KIF13B: variants seen among roughly 807,000 people sequenced by gnomAD.
KIF13B encodes kinesin family member 13B.
Under a neutral mutation model 222.0 loss-of-function variants are expected in KIF13B, and 127 were observed. The observed-to-expected ratio is 0.57, with a 90% CI of 0.50 to 0.66. KIF13B has a LOEUF of 0.66. Among genes scored for constraint, KIF13B ranks in the 30% least tolerant of loss-of-function variants. The pLI is 0.00. For missense variants in KIF13B, 2,173 were observed against 2,379.0 expected (o/e 0.91, Z 1.80); for synonymous variants, 976 against 919.0 (o/e 1.06, Z -1.12).
chr8:29,230,821 G>A (rs941802108), intron 2 of KIF13B, among the ~76,000 whole-genome samples: 3 of 152,192 alleles, frequency 2.0e-5, no homozygotes, highest in South Asian at 4.1e-4. Context: ...TAAAGCTTCT[G>A]GAAATGGCAA....
chr8:29,226,583 G>A (rs1462108979), intron 2 of KIF13B, among the ~76,000 whole-genome samples: 1 of 152,206 alleles, frequency 6.6e-6, no homozygotes, highest in Admixed American at 6.5e-5. Context: ...CCAGGCCCAG[G>A]AGAGGTGTCT....
At chr8:29,245,161 C>T (rs1370273867) in intron 2 of KIF13B, among the ~76,000 whole-genome samples, 185 bp downstream of exon 2, 3 of 152,240 alleles carry the variant, frequency 2.0e-5, no homozygotes, top group African/African-American at 7.2e-5. Flanking sequence ...AATACTCATT[C>T]AGGCACACTG....
chr8:29,255,965 T>C (rs1816461245), intron 1 of KIF13B, among the ~76,000 whole-genome samples: 1 of 152,158 alleles, frequency 6.6e-6, no homozygotes, highest in African/African-American at 2.4e-5. Flanking sequence ...TGAGGTGCTC[T>C]ATCTTCTACC....
chr8:29,087,336 G>A (rs1007293364), intron 37 of KIF13B, among the ~76,000 whole-genome samples: 18 of 152,264 alleles, frequency 1.2e-4, no homozygotes, highest in African/African-American at 4.3e-4. Context: ...AGTCTCAAAC[G>A]CAGAGAGATT....
intron 10 of KIF13B, among the ~76,000 whole-genome samples, chr8:29,175,529 C>CAATG (rs1029582451): frequency 2.0e-5 from 3 of 152,194 alleles, no homozygotes; most frequent in Non-Finnish European, 4.4e-5. Flanking sequence ...CTGAATCAAT[C>CAATG]AATGAATGAA....
At chr8:29,156,871 G>A (rs780406301) in intron 13 of KIF13B, among the ~76,000 whole-genome samples, 1 of 151,892 alleles carries the variant, frequency 6.6e-6, no homozygotes, top group Non-Finnish European at 1.5e-5. Context: ...CAACTTGGAT[G>A]TCTGAAGATA....
At chr8:29,142,341 G>C (rs777213744) in intron 18 of KIF13B, 38 bp from the exon 19 acceptor site, 14 of 1,578,474 alleles carry the variant, frequency 8.9e-6, no homozygotes, top group Non-Finnish European at 1.1e-5. Flanking sequence ...GAAACACACA[G>C]GCAGCGGGGA....
chr8:29,126,963 T>C (rs943606620), intron 25 of KIF13B, among the ~76,000 whole-genome samples, 159 bp downstream of exon 25: 5 of 152,138 alleles, frequency 3.3e-5, no homozygotes, highest in Non-Finnish European at 7.3e-5. Flanking sequence ...TCCGATGCAG[T>C]GATTCCATGA....
At chr8:29,233,040 C>T (rs1815356047) in intron 2 of KIF13B, among the ~76,000 whole-genome samples, 1 of 152,180 alleles carries the variant, frequency 6.6e-6, no homozygotes, top group Non-Finnish European at 1.5e-5. Context: ...CCTTTGATCC[C>T]TGCTACTCAG....
intron 2 of KIF13B, among the ~76,000 whole-genome samples, chr8:29,213,235 G>A (rs1210382536): frequency 3.3e-5 from 5 of 152,202 alleles, no homozygotes; most frequent in Non-Finnish European, 2.9e-5. Flanking sequence ...TGGCTTAGGA[G>A]CTAGGCAGAC....
At chr8:29,226,643 G>C (rs1179664358) in intron 2 of KIF13B, among the ~76,000 whole-genome samples, 2 of 152,166 alleles carry the variant, frequency 1.3e-5, no homozygotes, top group African/African-American at 4.8e-5. Context: ...TAACTTACCA[G>C]AAAGCAGTGA....
chr8:29,175,715 G>A (rs1207738637), intron 10 of KIF13B, among the ~76,000 whole-genome samples: 2 of 152,228 alleles, frequency 1.3e-5, no homozygotes, highest in Admixed American at 1.3e-4. Context: ...GAAGGCCAGG[G>A]TGGCCCAGCT....
At chr8:29,263,115 G>A (rs1277418145), upstream of KIF13B, 3 of 1,385,994 alleles carry the variant, frequency 2.2e-6, no homozygotes, top group Non-Finnish European at 3.0e-6. Flanking sequence ...GGCGGGAGGG[G>A]GCCGGGGGCG....
chr8:29,139,214 C>T (rs1182021636), intron 21 of KIF13B, among the ~76,000 whole-genome samples: 1 of 152,072 alleles, frequency 6.6e-6, no homozygotes, highest in African/African-American at 2.4e-5. Flanking sequence ...TTTTAGGAAG[C>T]CCATATGACT....
intron 2 of KIF13B, among the ~76,000 whole-genome samples, chr8:29,211,134 G>A (rs1335479595): frequency 1.3e-5 from 2 of 152,160 alleles, no homozygotes; most frequent in African/African-American, 2.4e-5. Context: ...TGGCCAGAGG[G>A]GTCACCTTCC....
chr8:29,131,700 T>C (rs11776090), intron 23 of KIF13B, among the ~76,000 whole-genome samples: 70,719 of 152,074 alleles, frequency 0.47, 17,700 homozygotes, highest in Non-Finnish European at 0.57. Context: ...CCATACTCTC[T>C]ACAGCTGATT....
At chr8:29,095,987 T>G (rs1808507159) in intron 36 of KIF13B, among the ~76,000 whole-genome samples, 1 of 142,138 alleles carries the variant, frequency 7.0e-6, no homozygotes, top group African/African-American at 2.6e-5. Context: ...TTGTTTTTTG[T>G]TTTTTTTTTT....
chr8:29,224,743 C>G (rs1402258142), intron 2 of KIF13B, among the ~76,000 whole-genome samples: 1 of 151,762 alleles, frequency 6.6e-6, no homozygotes, highest in African/African-American at 2.4e-5. Context: ...CATATGCTAC[C>G]TCATCCACCC....
In KIF13B at chr8:29,142,233, A is replaced by G. The variant is rs867925689; in HGVS notation, c.2258T>C (p.Leu753Ser). ...RKGKGKQIWSLEKLDNRLLDM... is the reference protein window; with the variant it reads ...RKGKGKQIWSSEKLDNRLLDM... Reference sequence around the variant, plus strand: ...CAACAGCCTGTTGTCCAGTTTTTCCAAAGACCAAATCTGCTTTCCTTTTCC... The same window carrying G: ...CAACAGCCTGTTGTCCAGTTTTTCCGAAGACCAAATCTGCTTTCCTTTTCC... The change falls in exon 19 of 40, where the codon TTG (leucine) becomes TCG (serine). Residue 753 changes from leucine (L) to serine (S), a missense_variant. Leu to Ser is a moderately radical substitution (Grantham distance 145). Around this residue, in one of 2 missense-constraint regions of KIF13B, gnomAD observed 1,480 missense variants for 1,722.8 expected, o/e 0.86. Coordinates refer to ENST00000524189, the MANE Select transcript of KIF13B (RefSeq NM_015254.4). 2 of 1,613,876 alleles carry G rather than the reference A, an allele frequency of 1.2e-6. No homozygotes were observed. The highest frequency in any genetic ancestry group is 1.3e-5 in the African/African-American group (1 of 75,046).
Sources: gnomAD v4.1 joint callset for allele counts (sites outside exome capture counted in the v4.1 genomes callset) on GRCh38, gnomAD v4.1.1 for gene constraint, gnomAD v4.1.1 regional missense constraint, MANE v1.5 for transcripts, NCBI Gene and HGNC (gene_info 2026-07-23, HGNC 2026-07-21) for gene names.